Variants in CLK3 observed in about 807,000 individuals in gnomAD.
The protein encoded by CLK3 is CDC like kinase 3, also known as dual specificity protein kinase CLK3.
Under a neutral mutation model 65.2 loss-of-function variants are expected in CLK3, and 24 were observed. That is an observed-to-expected ratio of 0.37 (90% CI 0.27 to 0.52). CLK3 has a LOEUF of 0.52. Among genes scored for constraint, CLK3 ranks in the 20% least tolerant of loss-of-function variants. The pLI is 0.92. For synonymous variants in CLK3, 252 were observed against 240.8 expected (o/e 1.05, Z -0.43); for missense variants, 506 against 660.0 (o/e 0.77, Z 2.56).
rs1383456650 is a variant in CLK3 at position 74,622,862 on chromosome 15, G to T, written c.533+302G>T. On this transcript the variant is annotated intron_variant, in intron 5 of 12. Coordinates refer to ENST00000395066, the MANE Select transcript of CLK3 (RefSeq NM_001130028.2). This position sits in a 1 kb window ranked among gnomAD's most constrained non-coding sequence, Gnocchi z 4.6. ...TGGTGGATATCAGAACAGGGCCAAGGCCCCGGCTCCCCTGTGGCTTGGAGC... is the reference window on the plus strand; with the variant it reads ...TGGTGGATATCAGAACAGGGCCAAGTCCCCGGCTCCCCTGTGGCTTGGAGC... 6.6e-6 allele frequency among the ~76,000 whole-genome samples: 1 copy of T among 152,158 alleles called. No homozygotes were observed. The highest frequency in any genetic ancestry group is 2.4e-5 in the African/African-American group (1 of 41,430).
At chr15:74,608,753 G>A (rs2061945409) in intron 1 of CLK3, 1 of 152,276 alleles carries the variant, frequency 6.6e-6, no homozygotes, top group Non-Finnish European at 1.5e-5. Flanking sequence ...CCTGGGGAAG[G>A]GAGACTGGCT....
chr15:74,617,029 C>G (rs1281138102), intron 1 of CLK3, among the ~76,000 whole-genome samples: 1 of 152,202 alleles, frequency 6.6e-6, no homozygotes, highest in Non-Finnish European at 1.5e-5. Flanking sequence ...AGAGCCCTGG[C>G]TGGGAGGATG....
intron 1 of CLK3, among the ~76,000 whole-genome samples, chr15:74,618,262 A>G (rs913048050): frequency 6.6e-6 from 1 of 152,216 alleles, no homozygotes; most frequent in Non-Finnish European, 1.5e-5. Flanking sequence ...CTGGCCTCAC[A>G]TGGCCAGCTT....
intron 1 of CLK3, among the ~76,000 whole-genome samples, chr15:74,616,262 T>G (rs2062059105): frequency 6.6e-6 from 1 of 152,252 alleles, no homozygotes; most frequent in Non-Finnish European, 1.5e-5. Context: ...AGTCCGCAGA[T>G]GACTCCTCCC....
upstream of CLK3, chr15:74,615,516 G>A: frequency 3.1e-6 from 4 of 1,303,920 alleles, no homozygotes; most frequent in Non-Finnish European, 3.9e-6. Flanking sequence ...GGGCGACGGA[G>A]CGGGCCCAGC....
In CLK3 at chr15:74,621,656, C is replaced by CGG; in HGVS notation, c.370-461_370-460dup. 1 of 311,802 alleles carries CGG rather than the reference C, an allele frequency of 3.2e-6. No individual in the cohort carries two copies. 19.3% of individuals were successfully genotyped at this position (311,802 alleles called of 1,614,324 possible). A position where few individuals can be genotyped will look rare whatever the true frequency, so the allele number is the denominator to read the frequency against. ...ACCAGTCTGGATGGTTGGACCCAGG[C>CGG]GGGGCCAGCTGCCTTCTTGCGCCGC... On this transcript the variant is annotated intron_variant, in intron 3 of 12. Transcript: ENST00000395066. This position sits in a 1 kb window ranked among gnomAD's most constrained non-coding sequence, Gnocchi z 4.8.
rs767931178 is a variant in CLK3 at position 74,622,029 on chromosome 15, A to G, written c.370-91A>G. ...AACCCACCGGCTCCTCACCGTCTCCACCTCTGCCTTTGACTGACACCTCAA... is the reference window on the plus strand; with the variant it reads ...AACCCACCGGCTCCTCACCGTCTCCGCCTCTGCCTTTGACTGACACCTCAA... On this transcript the variant is annotated intron_variant, in intron 3 of 12. Coordinates refer to ENST00000395066, the MANE Select transcript of CLK3 (RefSeq NM_001130028.2). The surrounding 1 kb of genome is among the most constrained non-coding windows in gnomAD (Gnocchi z 4.6). The G allele has an allele frequency of 8.2e-7, 1 of 1,219,336 alleles. No homozygotes were observed. Among genetic ancestry groups the G allele is most frequent in the East Asian group, 2.3e-5 (1 of 42,588 alleles). The allele number at this position is 1,219,336 out of a possible 1,614,324, so 75.5% of individuals were successfully genotyped here.
chr15:74,623,443 T>C (rs2062119201), intron 5 of CLK3, among the ~76,000 whole-genome samples: 1 of 152,228 alleles, frequency 6.6e-6, no homozygotes, highest in Non-Finnish European at 1.5e-5. Flanking sequence ...TGCGCTGTAG[T>C]GCTCCTACAT....
In CLK3 at chr15:74,622,386, TGA is replaced by T; in HGVS notation, c.467-101_467-100del. The stretch of plus-strand genomic sequence containing the variant: ...ACTTCCATTTTTAAGAGTGTAGCAG[TGA>T]GAGAGAAACCTTTTTTGTTTTTGAG... On this transcript the variant is annotated intron_variant, in intron 4 of 12. Coordinates refer to ENST00000395066, the MANE Select transcript of CLK3 (RefSeq NM_001130028.2). The surrounding 1 kb of genome is among the most constrained non-coding windows in gnomAD (Gnocchi z 4.6). 9.4e-7 allele frequency: 1 copy of T among 1,069,152 alleles called. No individual in the cohort carries two copies. The highest frequency in any genetic ancestry group is 1.5e-5 in the South Asian group (1 of 67,382). 66.2% of individuals were successfully genotyped at this position (1,069,152 alleles called of 1,614,324 possible).
In CLK3 at chr15:74,624,565, G is replaced by C. The variant is rs1452961797; in HGVS notation, c.534-337G>C. ...CAGGGTTGGGGCTGCCTGGCCTATAGGTTAGGTCACTGTGTGAGCTCTTGG... is the reference window on the plus strand; with the variant it reads ...CAGGGTTGGGGCTGCCTGGCCTATACGTTAGGTCACTGTGTGAGCTCTTGG... On this transcript the variant is annotated intron_variant, in intron 5 of 12. Coordinates refer to ENST00000395066, the MANE Select transcript of CLK3 (RefSeq NM_001130028.2). The surrounding 1 kb of genome is among the most constrained non-coding windows in gnomAD (Gnocchi z 4.2). 2.5e-5 allele frequency: 8 copies of C among 319,364 alleles called. No individual in the cohort carries two copies. Among genetic ancestry groups the C allele is most frequent in the South Asian group, 2.0e-4 (4 of 20,078 alleles). The allele number at this position is 319,364 out of a possible 1,614,324, so 19.8% of individuals were successfully genotyped here. A position where few individuals can be genotyped will look rare whatever the true frequency, so the allele number is the denominator to read the frequency against.
intron 1 of CLK3, among the ~76,000 whole-genome samples, chr15:74,610,332 C>G (rs148561286): frequency 7.2e-5 from 11 of 152,340 alleles, no homozygotes; most frequent in African/African-American, 2.6e-4. Flanking sequence ...CTGGCCTCCT[C>G]CACTCAGCCT....
In CLK3 at chr15:74,627,330, C is replaced by T. The variant is rs371319667; in HGVS notation, c.818-22C>T. 1.1e-5 allele frequency: 17 copies of T among 1,597,316 alleles called. No homozygotes were observed. The highest frequency in any genetic ancestry group is 1.1e-5 in the South Asian group (1 of 90,672). The stretch of plus-strand genomic sequence containing the variant: ...AGCCAGCTTCTCAGTGCCTACTTCC[C>T]CTTCTTTCCCTGCTACCTTAGTTCT... On this transcript the variant is annotated intron_variant, in intron 7 of 12. Transcript: ENST00000395066. This position sits in a 1 kb window ranked among gnomAD's most constrained non-coding sequence, Gnocchi z 4.3.
At chr15:74,616,617 T>G (rs915326167) in intron 1 of CLK3, among the ~76,000 whole-genome samples, 4 of 152,056 alleles carry the variant, frequency 2.6e-5, no homozygotes, top group Non-Finnish European at 5.9e-5. Flanking sequence ...AGAGGCGGAG[T>G]TGGCGGCCTT....
In CLK3 at chr15:74,621,994, C is replaced by G; in HGVS notation, c.370-126C>G. ...TATGAAATGCTGGGATCTGGAAAAT[C>G]CAACCAACCAACCCACCGGCTCCTC... On this transcript the variant is annotated intron_variant, in intron 3 of 12. Transcript: ENST00000395066. The surrounding 1 kb of genome is among the most constrained non-coding windows in gnomAD (Gnocchi z 4.8). The G allele has an allele frequency of 1.2e-6, 1 of 810,324 alleles. No individual in the cohort carries two copies. The highest frequency in any genetic ancestry group is 1.4e-5 in the South Asian group (1 of 70,076). 50.2% of individuals were successfully genotyped at this position (810,324 alleles called of 1,614,324 possible). A position where few individuals can be genotyped will look rare whatever the true frequency, so the allele number is the denominator to read the frequency against.
At chr15:74,629,395 C>T (rs1034978706) in intron 12 of CLK3, 1 of 534,418 alleles carries the variant, frequency 1.9e-6, no homozygotes, top group African/African-American at 1.9e-5. Context: ...AAGCCTCTGT[C>T]AACTGCATTT....
chr15:74,612,622 T>A (rs2062004586), upstream of CLK3, among the ~76,000 whole-genome samples: 1 of 151,796 alleles, frequency 6.6e-6, no homozygotes, highest in Non-Finnish European at 1.5e-5. Flanking sequence ...TCCCAGGCCT[T>A]CTCCACTCAG....
In CLK3 at chr15:74,627,092, G is replaced by C. The variant is rs540627954; in HGVS notation, c.818-260G>C. ...GTGAGGAGGCCTGGTCTCTGCAGAG[G>C]AGAGGTGGAGGGAGGTTTTTCGAAT... On this transcript the variant is annotated intron_variant, in intron 7 of 12. Coordinates refer to ENST00000395066, the MANE Select transcript of CLK3 (RefSeq NM_001130028.2). The surrounding 1 kb of genome is among the most constrained non-coding windows in gnomAD (Gnocchi z 4.3). 4 of 563,020 alleles carry C rather than the reference G, an allele frequency of 7.1e-6. No individual in the cohort carries two copies. The East Asian group carries it at 1.6e-4, about 23-fold the overall frequency. The allele number at this position is 563,020 out of a possible 1,614,324, so 34.9% of individuals were successfully genotyped here. A position where few individuals can be genotyped will look rare whatever the true frequency, so the allele number is the denominator to read the frequency against.
Position 74,622,152 on chromosome 15 carries a change from G to T in CLK3, c.402G>T (p.Arg134=). 6.2e-7 allele frequency: 1 copy of T among 1,614,170 alleles called. No individual in the cohort carries two copies. The highest frequency in any genetic ancestry group is 1.6e-4 in the Middle Eastern group (1 of 6,062). ...RSQQSSKRSS[R]SVEDDKEGHL... ...AACAGAGCAGTAAGCGCAGCAGCCG[G>T]AGTGTGGAAGATGACAAGGAGGGTC... The change falls in exon 4 of 13, where the codon CGG becomes CGT. Residue 134 remains arginine, a synonymous_variant. Coordinates refer to ENST00000395066, the MANE Select transcript of CLK3 (RefSeq NM_001130028.2). The surrounding 1 kb of genome is among the most constrained non-coding windows in gnomAD (Gnocchi z 4.6).
At chr15:74,618,813 C>A (rs375218076) in intron 1 of CLK3, among the ~76,000 whole-genome samples, 68 of 152,342 alleles carry the variant, frequency 4.5e-4, no homozygotes, top group African/African-American at 1.5e-3. Context: ...ACCGCCCCCC[C>A]GGGCGGGAGG....
Sources: gnomAD v4.1 joint callset for allele counts (sites outside exome capture counted in the v4.1 genomes callset) on GRCh38, gnomAD v4.1.1 for gene constraint, Gnocchi (gnomAD v3.1) non-coding constraint, MANE v1.5 for transcripts, NCBI Gene and HGNC (gene_info 2026-07-23, HGNC 2026-07-21) for gene names.